The following PSMF1 variants were observed in gnomAD, a reference collection of about 807,000 sequenced individuals.
PSMF1 encodes proteasome inhibitor PI31 subunit.
PSMF1 carries 30 observed loss-of-function variants against 29.3 expected under a neutral mutation model. The ratio of observed to expected loss-of-function variants is 1.02; its 90% CI spans 0.77 to 1.39. PSMF1 has a LOEUF of 1.39. Ranked by LOEUF, PSMF1 falls within the 40% of genes most tolerant of loss-of-function variation. PSMF1 has a pLI of 0.00. For missense variants in PSMF1, 344 were observed against 357.5 expected (o/e 0.96, Z 0.31); for synonymous variants, 134 against 139.7 (o/e 0.96, Z 0.29).
At chr20:1,142,179 G>A (rs1435953427) in intron 4 of PSMF1, among the ~76,000 whole-genome samples, 5 of 152,122 alleles carry the variant, frequency 3.3e-5, no homozygotes, top group African/African-American at 7.2e-5. Context: ...CTGAGATCGC[G>A]CCACACCACT....
intron 4 of PSMF1, among the ~76,000 whole-genome samples, chr20:1,159,233 G>A (rs2086635996): frequency 6.6e-6 from 1 of 151,882 alleles, no homozygotes; most frequent in Non-Finnish European, 1.5e-5. Flanking sequence ...AGAGATGGGG[G>A]TCTCATTATG....
chr20:1,125,983 T>C, intron 2 of PSMF1: 4 of 475,264 alleles, frequency 8.4e-6, no homozygotes, highest in South Asian at 6.2e-5. Flanking sequence ...AATTCTTTGC[T>C]GCCTTGGAGC....
At chr20:1,149,837 A>G (rs2122563757) in intron 4 of PSMF1, among the ~76,000 whole-genome samples, 1 of 150,320 alleles carries the variant, frequency 6.7e-6, no homozygotes, top group African/African-American at 2.5e-5. Context: ...GAAGTTTGAG[A>G]CCAGCCTGGG....
intron 3 of PSMF1, among the ~76,000 whole-genome samples, chr20:1,134,411 T>A (rs1351395279): frequency 6.6e-6 from 1 of 152,212 alleles, no homozygotes; most frequent in African/African-American, 2.4e-5. Context: ...CTGTTATGAT[T>A]CCATATGGTT....
At position 1,158,661 on chromosome 20, in the gene PSMF1, G is replaced by A. The variant is rs976404702; in HGVS notation, c.552-4469G>A. Among the ~76,000 whole-genome samples, 3 of 152,338 alleles carry A rather than the reference G, an allele frequency of 2.0e-5. No homozygotes were observed. In the South Asian group the frequency reaches 6.2e-4, roughly 32 times the overall value. ...CCTTAAAGAGGCTGCTTTTGCAGTA[G>A]CGACATACTACCCAGTGAGCTCAGC... is the stretch of plus-strand genomic sequence containing the variant. On this transcript the variant is annotated intron_variant, in intron 4 of 6. Transcript: ENST00000335877.
At chr20:1,143,946 G>T (rs185783783) in intron 4 of PSMF1, among the ~76,000 whole-genome samples, 1 of 152,010 alleles carries the variant, frequency 6.6e-6, no homozygotes, top group African/African-American at 2.4e-5. Context: ...TAAAATTAGC[G>T]GGTGTGGTGG....
chr20:1,132,969 G>GTT (rs60189289), intron 3 of PSMF1, among the ~76,000 whole-genome samples: 19,070 of 133,932 alleles, frequency 0.14, 1,713 homozygotes, highest in African/African-American at 0.24. Flanking sequence ...GGGTTTTTTT[G>GTT]TTTTTTTTTT....
At chr20:1,127,540 AAAG>A (rs767287931) in intron 3 of PSMF1, 32 bp downstream of exon 3, 1 of 1,519,766 alleles carries the variant, frequency 6.6e-7, no homozygotes, top group African/African-American at 1.4e-5. Flanking sequence ...TCCCTGGGAA[AAAG>A]AAGAGAGAAC....
intron 4 of PSMF1, among the ~76,000 whole-genome samples, chr20:1,136,881 T>TA (rs1246299647): frequency 1.3e-5 from 2 of 152,252 alleles, no homozygotes; most frequent in Admixed American, 1.3e-4. Context: ...ATACCATAGT[T>TA]ACATTCCTGG....
chr20:1,165,893 C>T lies in PSMF1; in HGVS notation c.*813C>T. 8.0e-7 allele frequency: 1 copy of T among 1,250,376 alleles called. No homozygotes were observed. Among genetic ancestry groups the T allele is most frequent in the Non-Finnish European group, 1.0e-6 (1 of 987,146 alleles). 77.5% of individuals were successfully genotyped at this position (1,250,376 alleles called of 1,614,324 possible). A position where few individuals can be genotyped will look rare whatever the true frequency, so the allele number is the denominator to read the frequency against. On this transcript the variant is annotated 3_prime_UTR_variant, in exon 7 of 7. Coordinates refer to ENST00000335877, the MANE Select transcript of PSMF1 (RefSeq NM_006814.5). ...TTTTGCCACTAACTTAGTGAATGAC[C>T]CTAAGCAAGTTCCTTCTCCTCTTAG...
intron 3 of PSMF1, among the ~76,000 whole-genome samples, chr20:1,130,206 C>T (rs2086210448): frequency 6.6e-6 from 1 of 152,074 alleles, no homozygotes; most frequent in Non-Finnish European, 1.5e-5. Context: ...TTAATGGGTA[C>T]AGAGTTTGTT....
chr20:1,117,892 A>G (rs568588555), upstream of PSMF1: 2 of 152,356 alleles, frequency 1.3e-5, no homozygotes, highest in African/African-American at 4.8e-5. Context: ...AGGCAAATAA[A>G]TGATTGAAAT....
In PSMF1 at chr20:1,165,357, A is replaced by G. The variant is rs2086716377; in HGVS notation, c.*277A>G. On this transcript the variant is annotated 3_prime_UTR_variant, in exon 7 of 7. Transcript: ENST00000335877. ...CCAGCTCCTCTCCACTTCCCAAGGG[A>G]GACTCCGGCAACCTTCAGCAACATA... 1.5e-6 allele frequency: 2 copies of G among 1,350,510 alleles called. No homozygotes were observed. The highest frequency in any genetic ancestry group is 1.9e-6 in the Non-Finnish European group (2 of 1,052,138). The allele number at this position is 1,350,510 out of a possible 1,614,324, so 83.7% of individuals were successfully genotyped here. A position where few individuals can be genotyped will look rare whatever the true frequency, so the allele number is the denominator to read the frequency against.
At chr20:1,117,760 T>C (rs2086026333), upstream of PSMF1, 1 of 152,272 alleles carries the variant, frequency 6.6e-6, no homozygotes, top group South Asian at 2.1e-4. Flanking sequence ...AAGTGAAAGA[T>C]GACAGGAGCT....
upstream of PSMF1, among the ~76,000 whole-genome samples, chr20:1,113,835 G>C (rs1004888136): frequency 2.0e-5 from 3 of 152,216 alleles, no homozygotes; most frequent in East Asian, 5.8e-4. Flanking sequence ...GGAACTACAG[G>C]TGCCCGCCAC....
chr20:1,131,594 C>T (rs1441947675), intron 3 of PSMF1, among the ~76,000 whole-genome samples: 1 of 152,192 alleles, frequency 6.6e-6, no homozygotes, highest in Non-Finnish European at 1.5e-5. Flanking sequence ...CTGTCTCCCT[C>T]CTATGCCTTT....
intron 4 of PSMF1, among the ~76,000 whole-genome samples, chr20:1,136,779 T>A (rs1398007882): frequency 6.6e-6 from 1 of 152,250 alleles, no homozygotes; most frequent in Non-Finnish European, 1.5e-5. Flanking sequence ...CACAAAACTC[T>A]GTTGCTGTTA....
chr20:1,132,290 C>CA (rs1413598392), intron 3 of PSMF1, among the ~76,000 whole-genome samples: 2 of 147,336 alleles, frequency 1.4e-5, no homozygotes, highest in African/African-American at 5.0e-5. Flanking sequence ...TTGTTTGAGA[C>CA]AGAGTCTCAC....
rs2086771385 is a variant in PSMF1 at position 1,169,769 on chromosome 20, G to A, written c.*4689G>A. On this transcript the variant is annotated 3_prime_UTR_variant, in exon 7 of 7. Transcript: ENST00000335877. Reference sequence around the variant, plus strand: ...ATCCAAGTTCAAGGCTCAATTGAATGCGTCTGGTTGTTGGAACCTACATGG... The same window carrying A: ...ATCCAAGTTCAAGGCTCAATTGAATACGTCTGGTTGTTGGAACCTACATGG... 6.6e-6 allele frequency among the ~76,000 whole-genome samples: 1 copy of A among 152,204 alleles called. No homozygotes were observed.
Sources: gnomAD v4.1 joint callset for allele counts (sites outside exome capture counted in the v4.1 genomes callset) on GRCh38, gnomAD v4.1.1 for gene constraint, MANE v1.5 for transcripts, NCBI Gene and HGNC (gene_info 2026-07-23, HGNC 2026-07-21) for gene names.